NUP98: variants seen among roughly 807,000 people sequenced by gnomAD.
NUP98 encodes nucleoporin 98 and 96 precursor.
Under a neutral mutation model 191.9 loss-of-function variants are expected in NUP98, and 26 were observed. The ratio of observed to expected loss-of-function variants is 0.14; its 90% confidence interval spans 0.10 to 0.19. The LOEUF is 0.19. Among genes scored for constraint, NUP98 ranks in the 10% least tolerant of loss-of-function variants. NUP98 has a pLI of 1.00. For missense variants in NUP98, 1,941 were observed against 2,178.8 expected, an observed-to-expected ratio of 0.89 and a Z score of 2.17; for synonymous variants, 808 against 778.4, an observed-to-expected ratio of 1.04 and a Z score of -0.63.
intron 20 of NUP98, among the ~76,000 whole-genome samples, chr11:3,709,708 T>C (rs2078974168): frequency 6.6e-6 from 1 of 150,582 alleles, no homozygotes; most frequent in Non-Finnish European, 1.5e-5. Context: ...TAAATTCACT[T>C]AGTGAACAAT....
At position 3,771,800 on chromosome 11, in the gene NUP98, G is replaced by T. The variant is rs1376595462; in HGVS notation, c.732C>A (p.Ser244=). The change falls in exon 7 of 33, where the codon TCC becomes TCA. Residue 244 remains serine (S), a synonymous_variant. Transcript: ENST00000324932. ...CATATGCAAAGCCTGAATTAGTGGT[G>T]GAGGAGCTGAAGAGTCCTGTTGCGC... ...TSSATGLFSS[S]TTNSGFAYGQ... is the part of the protein sequence containing the mutation. 4 of 1,614,172 alleles carry T rather than the reference G, an allele frequency of 2.5e-6. No homozygotes were observed. The highest frequency in any genetic ancestry group is 3.4e-6 in the Non-Finnish European group (4 of 1,180,024).
chr11:3,740,824 ATTT>A (rs1368034600), intron 12 of NUP98, among the ~76,000 whole-genome samples: 1 of 147,846 alleles, frequency 6.8e-6, no homozygotes, highest in African/African-American at 2.5e-5. Context: ...ATATATATAT[ATTT>A]TTTTTTTTGG....
At chr11:3,730,002 G>T (rs1325357041) in intron 14 of NUP98, among the ~76,000 whole-genome samples, 2 of 152,066 alleles carry the variant, frequency 1.3e-5, no homozygotes, top group East Asian at 3.9e-4. Flanking sequence ...AGCACTTTGG[G>T]AGTCTGAGGC....
intron 1 of NUP98, among the ~76,000 whole-genome samples, chr11:3,792,178 C>CAAAAAAAAAAA (rs61471948): frequency 3.4e-5 from 2 of 58,852 alleles, no homozygotes; most frequent in African/African-American, 5.9e-5. Flanking sequence ...AACTCCATCT[C>CAAAAAAAAAAA]AAAAAAAAAA....
At chr11:3,750,846 A>T (rs2134425941) in intron 11 of NUP98, among the ~76,000 whole-genome samples, 1 of 152,244 alleles carries the variant, frequency 6.6e-6, no homozygotes, top group Non-Finnish European at 1.5e-5. Context: ...ATGTTGCTCA[A>T]GATGATGTTA....
At chr11:3,731,646 A>G (rs1315254914) in intron 13 of NUP98, 68 bp from the exon 14 acceptor site, 6 of 1,066,778 alleles carry the variant, frequency 5.6e-6, no homozygotes, top group Non-Finnish European at 7.7e-6. Flanking sequence ...CTTAAAAATC[A>G]CAAGACCAGA....
chr11:3,752,051 C>G lies in NUP98; in HGVS notation c.1267+1265G>C, dbSNP rs191976053. ...ATTAGCTGGGTACGGTGGCGTGCGA[C>G]TGTAGTCCCAGCTACTCGGGAAGTG... is the stretch of plus-strand genomic sequence containing the variant. On this transcript the variant is annotated intron_variant, in intron 11 of 32. Transcript: ENST00000324932. Among the ~76,000 whole-genome samples, 20 of 149,960 alleles carry G rather than the reference C, an allele frequency of 1.3e-4. 1 individual carries two copies. Among genetic ancestry groups the G allele is most frequent in the Admixed American group, 1.2e-3 (18 of 14,964 alleles).
intron 4 of NUP98, 137 bp downstream of exon 4, chr11:3,778,736 G>A: frequency 1.3e-6 from 1 of 784,930 alleles, no homozygotes; most frequent in South Asian, 1.7e-5. Context: ...AGTACATATT[G>A]AAGTTTTCCT....
At position 3,779,228 on chromosome 11, in the gene NUP98, C is replaced by A; in HGVS notation, c.106G>T (p.Ala36Ser). 6.2e-7 allele frequency: 1 copy of A among 1,614,122 alleles called. No individual in the cohort carries two copies. Among genetic ancestry groups the A allele is most frequent in the Non-Finnish European group, 8.5e-7 (1 of 1,179,976 alleles). Residue 36 changes from alanine (A) to serine (S), a missense_variant, in exon 3 of 33, where the codon GCA becomes TCA. Ala to Ser is a moderately conservative substitution (Grantham distance 99, BLOSUM62 1). Around this residue, in one of 6 missense-constraint regions of NUP98, gnomAD observed 154 missense variants for 182.9 expected, o/e 0.84. Transcript: ENST00000324932. ...GAACCAAATGCAGATGTTCCAAATG[C>A]CCCTCCACTAGTAGTGCCAAAGCCA... ...NTGFGTTSGG[A>S]FGTSAFGSSN...
intron 11 of NUP98, among the ~76,000 whole-genome samples, chr11:3,751,389 C>T (rs1052736057): frequency 6.6e-5 from 10 of 152,068 alleles, no homozygotes; most frequent in African/African-American, 2.4e-4. Context: ...ATCCTAAACC[C>T]TAAATATAAA....
At chr11:3,704,824 T>C (rs993296363) in intron 22 of NUP98, among the ~76,000 whole-genome samples, 9 of 152,158 alleles carry the variant, frequency 5.9e-5, no homozygotes, top group African/African-American at 9.7e-5. Context: ...TGGGGCAAGA[T>C]AGCAAGATCC....
intron 14 of NUP98, among the ~76,000 whole-genome samples, chr11:3,729,543 CAA>C (rs36045405): frequency 1.3e-3 from 74 of 55,746 alleles, no homozygotes; most frequent in East Asian, 2.5e-3. Flanking sequence ...CCTGTATCTC[CAA>C]AAAAAAAAAA....
chr11:3,719,610 C>T (rs533543252), intron 17 of NUP98, 60 bp from the exon 18 acceptor site: 1 of 1,226,576 alleles, frequency 8.2e-7, no homozygotes, highest in African/African-American at 1.6e-5. Flanking sequence ...ACCTACTTTA[C>T]AACTATAGTG....
Position 3,764,888 on chromosome 11 carries a change from T to G in NUP98, c.949-1849A>C, listed in dbSNP as rs535019976. Among the ~76,000 whole-genome samples the G allele has an allele frequency of 2.0e-5, 3 of 152,288 alleles. No individual in the cohort carries two copies. The South Asian group carries it at 6.2e-4, about 32-fold the overall frequency. ...CCACCGCGCCCAGCCTGTTAGTCTT[T>G]TTTTATTGTATCTTTCAAATAGGTA... On this transcript the variant is annotated intron_variant, in intron 8 of 32. Transcript: ENST00000324932.
In NUP98 at chr11:3,676,134, G is replaced by A. The variant is rs1478846273; in HGVS notation, c.*25C>T. ...CTCTGTGTGGTGTGAATGGGCATGTGACTGTGATGCAAAGTGCCTGGGGCT... is the reference window on the plus strand; with the variant it reads ...CTCTGTGTGGTGTGAATGGGCATGTAACTGTGATGCAAAGTGCCTGGGGCT... On this transcript the variant is annotated 3_prime_UTR_variant, in exon 33 of 33. Coordinates refer to ENST00000324932, the MANE Select transcript of NUP98 (RefSeq NM_016320.5). 1 of 1,605,418 alleles carries A rather than the reference G, an allele frequency of 6.2e-7. No homozygotes were observed. The highest frequency in any genetic ancestry group is 8.5e-7 in the Non-Finnish European group (1 of 1,173,994).
At chr11:3,757,829 T>C (rs2081027825) in intron 10 of NUP98, among the ~76,000 whole-genome samples, 1 of 150,462 alleles carries the variant, frequency 6.6e-6, no homozygotes, top group African/African-American at 2.5e-5. Context: ...AATATTTAAT[T>C]TTGAACATGA....
Position 3,676,535 on chromosome 11 carries a change from C to T in NUP98, c.5159G>A (p.Ser1720Asn). The change falls in exon 32 of 33, where the codon AGT becomes AAT. Residue 1720 changes from serine to asparagine, a missense_variant. Ser to Asn is a conservative substitution (Grantham distance 46, BLOSUM62 1). This residue lies in a region of NUP98 where 1,030 missense variants were observed against 1,115.8 expected (regional missense o/e 0.92). Coordinates refer to ENST00000324932, the MANE Select transcript of NUP98 (RefSeq NM_016320.5). ...CSRIEQIQCYSAKDRLAQSDM... is the reference protein window; with the variant it reads ...CSRIEQIQCYNAKDRLAQSDM... Reference sequence around the variant, plus strand: ...TGACTGAGCCAGGCGATCTTTAGCACTGTAACACTGAATCTGCTCTATCCG... The same window carrying T: ...TGACTGAGCCAGGCGATCTTTAGCATTGTAACACTGAATCTGCTCTATCCG... 1 of 1,614,174 alleles carries T rather than the reference C, an allele frequency of 6.2e-7. No individual in the cohort carries two copies. The highest frequency in any genetic ancestry group is 1.1e-5 in the South Asian group (1 of 91,082).
At chr11:3,760,077 G>C (rs993601783) in intron 10 of NUP98, 1 of 162,182 alleles carries the variant, frequency 6.2e-6, no homozygotes, top group African/African-American at 2.5e-5. Context: ...CAGCACTTTG[G>C]GAGGCTAAGG....
intron 12 of NUP98, among the ~76,000 whole-genome samples, chr11:3,736,103 G>GT (rs758634992): frequency 3.6e-4 from 51 of 141,788 alleles, no homozygotes; most frequent in South Asian, 9.7e-4. Flanking sequence ...TGTGTGTTTT[G>GT]TTTTTTTTTT....
Sources: allele counts gnomAD v4.1 joint callset (sites outside exome capture counted in the v4.1 genomes callset), GRCh38; gene constraint gnomAD v4.1.1; regional missense constraint gnomAD v4.1.1; transcripts MANE v1.5; gene names NCBI Gene and HGNC (gene_info 2026-07-23, HGNC 2026-07-21).